CLNK: variants seen among roughly 807,000 people sequenced by gnomAD.
CLNK encodes cytokine dependent hematopoietic cell linker.
A neutral mutation model predicts 68.6 loss-of-function variants in CLNK; 74 were observed. The ratio of observed to expected loss-of-function variants is 1.08; its 90% CI spans 0.89 to 1.31. The LOEUF (loss-of-function observed/expected upper bound fraction) is 1.31, where lower values mean the gene tolerates loss of function less well. Among genes scored for constraint, CLNK ranks in the 50% most tolerant of loss-of-function variants. The pLI is 0.00. For missense variants in CLNK, 553 were observed against 515.3 expected (o/e 1.07, Z -0.71); for synonymous variants, 198 against 172.2 (o/e 1.15, Z -1.17).
intron 1 of CLNK, among the ~76,000 whole-genome samples, chr4:10,671,805 T>A (rs1451438841): frequency 6.6e-6 from 1 of 152,200 alleles, no homozygotes; most frequent in African/African-American, 2.4e-5. Context: ...ATAAAGGAAA[T>A]AATGTATACC....
chr4:10,730,508 C>T, the CLNK span, among the ~76,000 whole-genome samples: 8 of 152,170 alleles, frequency 5.3e-5, no homozygotes, highest in African/African-American at 1.7e-4. Context: ...CATTTGAATA[C>T]ATTTCTGGGT....
chr4:10,702,272 G>A, the CLNK span, among the ~76,000 whole-genome samples: 21 of 152,180 alleles, frequency 1.4e-4, no homozygotes, highest in South Asian at 2.1e-4. Flanking sequence ...AAGAAAGGAC[G>A]TTGCAGGCAG....
At chr4:10,564,257 G>A (rs1163963454) in intron 7 of CLNK, among the ~76,000 whole-genome samples, 1 of 152,010 alleles carries the variant, frequency 6.6e-6, no homozygotes, top group African/African-American at 2.4e-5. Context: ...GTTACTAGGA[G>A]GCTTAGAGAG....
At chr4:10,588,536 C>T (rs986104474) in intron 3 of CLNK, among the ~76,000 whole-genome samples, 3 of 152,146 alleles carry the variant, frequency 2.0e-5, no homozygotes, top group Non-Finnish European at 4.4e-5. Context: ...TATTCGTGAG[C>T]ACCTGTTTGG....
the CLNK span, among the ~76,000 whole-genome samples, chr4:10,698,377 T>C: frequency 1.7e-4 from 26 of 152,318 alleles, no homozygotes; most frequent in African/African-American, 6.0e-4. Flanking sequence ...CCTGGTGAAA[T>C]ACCCATGCCA....
intron 1 of CLNK, among the ~76,000 whole-genome samples, chr4:10,681,669 G>A (rs542221765): frequency 3.0e-4 from 45 of 152,318 alleles, no homozygotes; most frequent in African/African-American, 1.0e-3. Context: ...TGCTTGTGGT[G>A]TATCTGGGAG....
At chr4:10,528,156 AC>A (rs1404582344) in intron 12 of CLNK, 62 bp from the exon 13 acceptor site, 3 of 795,286 alleles carry the variant, frequency 3.8e-6, no homozygotes, top group Non-Finnish European at 5.2e-6. Context: ...TTAATATAAC[AC>A]CATGTGTGTT....
chr4:10,700,559 T>A, the CLNK span, among the ~76,000 whole-genome samples: 1 of 152,200 alleles, frequency 6.6e-6, no homozygotes, highest in Non-Finnish European at 1.5e-5. Flanking sequence ...ATTTTACAGA[T>A]AAGGCAGATA....
intron 2 of CLNK, among the ~76,000 whole-genome samples, chr4:10,635,596 C>T (rs181594041): frequency 3.3e-5 from 5 of 152,128 alleles, no homozygotes; most frequent in Admixed American, 6.5e-5. Context: ...TGGAAGAGAG[C>T]GACAGAGGGA....
intron 14 of CLNK, among the ~76,000 whole-genome samples, chr4:10,525,133 T>C (rs1718251843): frequency 6.6e-6 from 1 of 152,166 alleles, no homozygotes; most frequent in African/African-American, 2.4e-5. Flanking sequence ...GGCGCCATCT[T>C]GGCTCACTGC....
chr4:10,491,472 G>T (rs988810364), intron 18 of CLNK, among the ~76,000 whole-genome samples: 1 of 152,206 alleles, frequency 6.6e-6, no homozygotes, highest in Non-Finnish European at 1.5e-5. Flanking sequence ...GGACAACCAC[G>T]GGGCTGCTTA....
intron 4 of CLNK, among the ~76,000 whole-genome samples, chr4:10,576,357 G>A (rs189569608): frequency 5.4e-4 from 83 of 152,324 alleles, no homozygotes; most frequent in African/African-American, 1.9e-3. Context: ...AGTTATGGTC[G>A]TGTTGCATGG....
intron 15 of CLNK, among the ~76,000 whole-genome samples, chr4:10,517,849 C>G (rs1717899300): frequency 1.3e-5 from 2 of 152,080 alleles, no homozygotes; most frequent in Admixed American, 1.3e-4. Flanking sequence ...CAAAACAGAG[C>G]AAAGAAACAA....
intron 2 of CLNK, among the ~76,000 whole-genome samples, chr4:10,627,940 G>T (rs556013282): frequency 2.0e-5 from 3 of 152,148 alleles, no homozygotes; most frequent in Admixed American, 6.5e-5. Flanking sequence ...TCTTTCCCCT[G>T]CAGGGTTCTG....
At chr4:10,700,662 C>A in the CLNK span, among the ~76,000 whole-genome samples, 43 of 152,244 alleles carry the variant, frequency 2.8e-4, no homozygotes, top group African/African-American at 1.0e-3. Flanking sequence ...GGACTCTAAG[C>A]CACGTGACCC....
At chr4:10,704,664 A>T in the CLNK span, among the ~76,000 whole-genome samples, 1 of 152,284 alleles carries the variant, frequency 6.6e-6, no homozygotes, top group South Asian at 2.1e-4. Context: ...TGCCCAAAGC[A>T]GCTGGTGTTG....
Position 10,667,771 on chromosome 4 carries a change from A to T in CLNK, c.11+88T>A, listed in dbSNP as rs915657176. ...CTTTTCCATGGGCGGCCACATTGGCATCATTTCTCAGTTCATCTTCCAGAA... is the reference window on the plus strand; with the variant it reads ...CTTTTCCATGGGCGGCCACATTGGCTTCATTTCTCAGTTCATCTTCCAGAA... On this transcript the variant is annotated intron_variant, in intron 2 of 18. Coordinates refer to ENST00000226951, the MANE Select transcript of CLNK (RefSeq NM_052964.4). The T allele has an allele frequency of 3.8e-6, 5 of 1,308,080 alleles. No individual in the cohort carries two copies. The South Asian group carries it at 6.2e-5, about 16-fold the overall frequency. The allele number at this position is 1,308,080 out of a possible 1,614,324, so 81.0% of individuals were successfully genotyped here. A position where few individuals can be genotyped will look rare whatever the true frequency, so the allele number is the denominator to read the frequency against.
Position 10,655,330 on chromosome 4 carries a change from A to AGAGAGAG in CLNK, c.11+12528_11+12529insCTCTCTC, listed in dbSNP as rs1355299217. Among the ~76,000 whole-genome samples, 350 of 77,832 alleles carry AGAGAGAG rather than the reference A, an allele frequency of 4.5e-3. 4 individuals are homozygous for AGAGAGAG. The highest frequency in any genetic ancestry group is 0.014 in the African/African-American group (326 of 24,028). The allele number at this position is 77,832 out of a possible 152,430, so 51.1% of individuals were successfully genotyped here. A position where few individuals can be genotyped will look rare whatever the true frequency, so the allele number is the denominator to read the frequency against. The stretch of plus-strand genomic sequence containing the variant: ...AAGTAATTCCGGCCTAAAACCCCCA[A>AGAGAGAG]AGACAGAGAGAGAGAGAGAGAGAGA... On this transcript the variant is annotated intron_variant, in intron 2 of 18. Coordinates refer to ENST00000226951, the MANE Select transcript of CLNK (RefSeq NM_052964.4).
At chr4:10,585,309 A>G (rs1381898877) in intron 3 of CLNK, among the ~76,000 whole-genome samples, 1 of 152,232 alleles carries the variant, frequency 6.6e-6, no homozygotes, top group Admixed American at 6.5e-5. Flanking sequence ...GCCTCCTTAC[A>G]TATTTTAAGT....
Sources: allele counts gnomAD v4.1 joint callset (sites outside exome capture counted in the v4.1 genomes callset), GRCh38; gene constraint gnomAD v4.1.1; transcripts MANE v1.5; gene names NCBI Gene and HGNC (gene_info 2026-07-23, HGNC 2026-07-21).